The following UGT1A7 variants were observed in gnomAD, a reference collection of about 807,000 sequenced individuals.
UGT1A7 encodes UDP glucuronosyltransferase family 1 member A7.
UGT1A7 carries 33 observed loss-of-function variants against 45.6 expected under a neutral mutation model. The ratio of observed to expected loss-of-function variants is 0.72; its 90% CI spans 0.55 to 0.97. The LOEUF (loss-of-function observed/expected upper bound fraction) is 0.97. Among genes scored for constraint, UGT1A7 ranks in the 50% least tolerant of loss-of-function variants. The pLI is 0.00. For synonymous variants in UGT1A7, 274 were observed against 250.6 expected (o/e 1.09, Z -0.88); for missense variants, 684 against 666.2 (o/e 1.03, Z -0.29).
intron 1 of UGT1A7, among the ~76,000 whole-genome samples, chr2:233,766,777 T>C (rs945359450): frequency 1.3e-5 from 2 of 152,236 alleles, no homozygotes; most frequent in Admixed American, 6.5e-5. Context: ...TGTGCTTTTC[T>C]TTTGGAAAAC....
At position 233,772,966 on chromosome 2, in the gene UGT1A7, C is replaced by T; in HGVS notation, c.*407C>T. ...CTTCTGCAGATGGTTGCAATTGATCCTTAACCAATAATGGTCAGTCCTCAT... is the reference window on the plus strand; with the variant it reads ...CTTCTGCAGATGGTTGCAATTGATCTTTAACCAATAATGGTCAGTCCTCAT... On this transcript the variant is annotated 3_prime_UTR_variant, in exon 5 of 5. Transcript: ENST00000373426. 1 of 310,570 alleles carries T rather than the reference C, an allele frequency of 3.2e-6. No homozygotes were observed. The highest frequency in any genetic ancestry group is 3.3e-5 in the South Asian group (1 of 30,476). The allele number at this position is 310,570 out of a possible 1,614,324, so 19.2% of individuals were successfully genotyped here.
At position 233,692,517 on chromosome 2, in the gene UGT1A7, C is replaced by T. The variant is rs28899169; in HGVS notation, c.855+9725C>T. ...GACTGAGCCCTTAACCTGTGGGGTC[C>T]GTGCTAACTCAGAATTCAGTTCAGA... On this transcript the variant is annotated intron_variant, in intron 1 of 4. Transcript: ENST00000373426. Among the ~76,000 whole-genome samples the T allele has an allele frequency of 3.8e-3, 571 of 152,144 alleles. 7 individuals carry two copies. Among genetic ancestry groups the T allele is most frequent in the African/African-American group, 0.013 (547 of 41,518 alleles).
At chr2:233,727,345 T>A (rs2077607962) in intron 1 of UGT1A7, among the ~76,000 whole-genome samples, 1 of 152,184 alleles carries the variant, frequency 6.6e-6, no homozygotes, top group Non-Finnish European at 1.5e-5. Flanking sequence ...CTCCCCATAG[T>A]TCTGCTATCC....
At chr2:233,737,829 G>A (rs1202229926) in intron 1 of UGT1A7, among the ~76,000 whole-genome samples, 2 of 151,976 alleles carry the variant, frequency 1.3e-5, no homozygotes, top group Admixed American at 6.6e-5. Context: ...AACAAATTGG[G>A]AACTGTGGCA....
intron 1 of UGT1A7, chr2:233,692,279 C>G (rs2075088815): frequency 6.6e-6 from 1 of 152,370 alleles, no homozygotes. Flanking sequence ...TTTCCTCTGG[C>G]TATTCATCCG....
chr2:233,750,190 A>G (rs1694385448), intron 1 of UGT1A7, among the ~76,000 whole-genome samples: 1 of 151,894 alleles, frequency 6.6e-6, no homozygotes, highest in African/African-American at 2.4e-5. Context: ...TGTTGTGGAC[A>G]ATGAAGTCCA....
chr2:233,693,864 A>G (rs757830710), intron 1 of UGT1A7: 1 of 1,614,148 alleles, frequency 6.2e-7, no homozygotes, highest in Non-Finnish European at 8.5e-7. Context: ...GACTTGTCTC[A>G]GGTTGGTGGG....
chr2:233,695,194 C>T (rs1403782855), intron 1 of UGT1A7, among the ~76,000 whole-genome samples: 1 of 147,816 alleles, frequency 6.8e-6, no homozygotes, highest in Admixed American at 6.8e-5. Flanking sequence ...GGTGCGATCT[C>T]AGCCCACTGC....
At chr2:233,694,827 CAT>C (rs1183581356) in intron 1 of UGT1A7, among the ~76,000 whole-genome samples, 2 of 152,188 alleles carry the variant, frequency 1.3e-5, no homozygotes, top group African/African-American at 4.8e-5. Flanking sequence ...GAAATAAAAA[CAT>C]AGAATGTCAG....
chr2:233,747,159 A>G lies in UGT1A7; in HGVS notation c.856-19875A>G, dbSNP rs145059616. 5.9e-5 allele frequency: 94 copies of G among 1,584,988 alleles called. 3 individuals carry two copies. The African/African-American group carries it at 1.2e-3, about 20-fold the overall frequency. Reference sequence around the variant, plus strand: ...CAAGGTAATTAAGATGAAGAAAACAAATGTAGGAGGCACAGCGTGGGGTGG... The same window carrying G: ...CAAGGTAATTAAGATGAAGAAAACAGATGTAGGAGGCACAGCGTGGGGTGG... On this transcript the variant is annotated intron_variant, in intron 1 of 4. Coordinates refer to ENST00000373426, the MANE Select transcript of UGT1A7 (RefSeq NM_019077.3).
At chr2:233,761,033 G>T (rs774774935) in intron 1 of UGT1A7, 1 of 1,614,186 alleles carries the variant, frequency 6.2e-7, no homozygotes, top group South Asian at 1.1e-5. Context: ...GACCTATTGA[G>T]CTCTGCATCT....
Position 233,693,653 on chromosome 2 carries a change from T to A in UGT1A7, c.855+10861T>A, listed in dbSNP as rs1169915380. On this transcript the variant is annotated intron_variant, in intron 1 of 4. Coordinates refer to ENST00000373426, the MANE Select transcript of UGT1A7 (RefSeq NM_019077.3). Reference sequence around the variant, plus strand: ...AGTGGCCAACTTCCTTGTTAATTTGTTGGAGCCCTATCTATTTTATTGTCT... The same window carrying A: ...AGTGGCCAACTTCCTTGTTAATTTGATGGAGCCCTATCTATTTTATTGTCT... The A allele has an allele frequency of 1.9e-6, 3 of 1,614,138 alleles. No homozygotes were observed. In the African/African-American group the frequency reaches 4.0e-5, roughly 22 times the overall value.
At chr2:233,716,855 C>T (rs1330828903) in intron 1 of UGT1A7, among the ~76,000 whole-genome samples, 6 of 152,192 alleles carry the variant, frequency 3.9e-5, no homozygotes, top group African/African-American at 1.4e-4. Context: ...ACCACATATG[C>T]TGATGGCTCC....
At chr2:233,683,994 A>G (rs2125527799) in intron 1 of UGT1A7, among the ~76,000 whole-genome samples, 1 of 152,350 alleles carries the variant, frequency 6.6e-6, no homozygotes, top group Non-Finnish European at 1.5e-5. Context: ...AAGTCGTGAC[A>G]AATACAAGAG....
intron 1 of UGT1A7, among the ~76,000 whole-genome samples, chr2:233,732,390 C>G (rs1458473666): frequency 6.6e-6 from 1 of 152,216 alleles, no homozygotes; most frequent in Admixed American, 6.5e-5. Flanking sequence ...TAGGCCATGC[C>G]TATGCCTAAA....
intron 1 of UGT1A7, chr2:233,693,167 G>A (rs1339801155): frequency 2.5e-6 from 4 of 1,614,062 alleles, no homozygotes; most frequent in Non-Finnish European, 3.4e-6. Flanking sequence ...CCGGGGTCAT[G>A]AGATTGTAGT....
chr2:233,729,416 C>G, intron 1 of UGT1A7: 1 of 1,613,628 alleles, frequency 6.2e-7, no homozygotes, highest in Non-Finnish European at 8.5e-7. Flanking sequence ...CTGGGCCACA[C>G]TCAACTGTAC....
At chr2:233,715,882 C>A (rs576558461) in intron 1 of UGT1A7, among the ~76,000 whole-genome samples, 1 of 152,178 alleles carries the variant, frequency 6.6e-6, no homozygotes, top group Non-Finnish European at 1.5e-5. Flanking sequence ...CCTGTGGCCC[C>A]AGCTACTTGG....
At chr2:233,748,610 A>G (rs1485251658) in intron 1 of UGT1A7, among the ~76,000 whole-genome samples, 1 of 151,818 alleles carries the variant, frequency 6.6e-6, no homozygotes, top group Non-Finnish European at 1.5e-5. Context: ...TAGAGCAACG[A>G]ACGTGGGATA....
Sources: gnomAD v4.1 joint callset for allele counts (sites outside exome capture counted in the v4.1 genomes callset) on GRCh38, gnomAD v4.1.1 for gene constraint, MANE v1.5 for transcripts, NCBI Gene and HGNC (gene_info 2026-07-23, HGNC 2026-07-21) for gene names.